The following NLGN4X variants were observed in gnomAD, a reference collection of about 807,000 sequenced individuals.
NLGN4X encodes the protein neuroligin 4 X-linked.
Under a neutral mutation model 40.3 loss-of-function variants are expected in NLGN4X, and 3 were observed. The ratio of observed to expected loss-of-function variants is 0.07; its 90% CI spans 0.03 to 0.19. The LOEUF (loss-of-function observed/expected upper bound fraction) is 0.19, where lower values mean the gene tolerates loss of function less well. Ranked by LOEUF, NLGN4X falls within the 10% of genes least tolerant of loss-of-function variation. NLGN4X has a pLI of 1.00. For missense variants in NLGN4X, 382 were observed against 708.3 expected (o/e 0.54, Z 5.23); for synonymous variants, 270 against 306.8 (o/e 0.88, Z 1.25).
At chrX:6,012,407 T>A (rs1000814156) in intron 3 of NLGN4X, among the ~76,000 whole-genome samples, 3 of 112,049 alleles carry the variant, frequency 2.7e-5, no homozygotes, top group Non-Finnish European at 5.6e-5. Flanking sequence ...TGTCCTTAGA[T>A]CTTCTTGCCA....
rs754603324 is a variant in NLGN4X at position 5,903,721 on chromosome X, C to T, written c.957G>A (p.Arg319=). 4 of 1,211,740 alleles carry T rather than the reference C, an allele frequency of 3.3e-6. No individual in the cohort carries two copies. The South Asian group carries it at 7.0e-5, about 21-fold the overall frequency. ...GGATGAGCTCCTTGTAGTTCTTGTTCCGCAGGCATTCTACCATGTCCGTGG... is the reference window on the plus strand; with the variant it reads ...GGATGAGCTCCTTGTAGTTCTTGTTTCGCAGGCATTCTACCATGTCCGTGG... ...LDTTDMVECL[R]NKNYKELIQQ... is the part of the protein sequence containing the mutation. The change falls in exon 5 of 6, where the codon CGG becomes CGA. Residue 319 remains arginine, a synonymous_variant. Coordinates refer to ENST00000381095, the MANE Select transcript of NLGN4X (RefSeq NM_181332.3).
intron 5 of NLGN4X, among the ~76,000 whole-genome samples, chrX:5,900,384 G>A (rs921627224): frequency 9.1e-6 from 1 of 109,673 alleles, no homozygotes; most frequent in Non-Finnish European, 1.9e-5. Flanking sequence ...CACCTGCAAG[G>A]TAGGAATGCC....
intron 2 of NLGN4X, among the ~76,000 whole-genome samples, chrX:6,087,044 A>G (rs936783481): frequency 8.9e-6 from 1 of 111,767 alleles, no homozygotes; most frequent in Admixed American, 9.5e-5. Flanking sequence ...TCTTTTTCTC[A>G]TGGCTTTTTA....
chrX:6,128,172 T>C (rs766486941), intron 2 of NLGN4X, among the ~76,000 whole-genome samples: 5 of 111,152 alleles, frequency 4.5e-5, no homozygotes, highest in South Asian at 3.9e-4. Context: ...GTGTCTTCAA[T>C]GGGTCATTAG....
At chrX:6,111,387 C>A (rs1602249274) in intron 2 of NLGN4X, among the ~76,000 whole-genome samples, 1 of 111,240 alleles carries the variant, frequency 9.0e-6, no homozygotes, top group African/African-American at 3.3e-5. Flanking sequence ...TGGGCCCTCA[C>A]TAGACACTGA....
chrX:5,923,075 A>T (rs1470650856), intron 3 of NLGN4X, among the ~76,000 whole-genome samples: 1 of 111,584 alleles, frequency 9.0e-6, no homozygotes, highest in Non-Finnish European at 1.9e-5. Context: ...TCATCACTAC[A>T]AACAATAACC....
At chrX:5,926,261 A>T (rs1201697451) in intron 3 of NLGN4X, among the ~76,000 whole-genome samples, 2 of 109,620 alleles carry the variant, frequency 1.8e-5, no homozygotes, top group Non-Finnish European at 3.8e-5. Flanking sequence ...AGGCCTCCCC[A>T]GCCATGTGGA....
At chrX:5,945,037 AAAT>A (rs1242746116) in intron 3 of NLGN4X, among the ~76,000 whole-genome samples, 1 of 112,270 alleles carries the variant, frequency 8.9e-6, no homozygotes, top group Non-Finnish European at 1.9e-5. Flanking sequence ...TAATAAAACA[AAAT>A]AATAAGTAAC....
intron 1 of NLGN4X, among the ~76,000 whole-genome samples, chrX:6,208,746 A>G (rs780617392): frequency 3.6e-5 from 4 of 111,905 alleles, no homozygotes; most frequent in Admixed American, 1.9e-4. Context: ...GTTGATGAGG[A>G]TGCAGAGAGA....
chrX:6,112,037 T>C (rs948336168), intron 2 of NLGN4X, among the ~76,000 whole-genome samples: 4 of 112,082 alleles, frequency 3.6e-5, no homozygotes, highest in Non-Finnish European at 5.6e-5. Flanking sequence ...AAAATACTTA[T>C]ATGCTAAAAT....
chrX:5,998,410 CAAAAAAAA>C (rs11344030), intron 3 of NLGN4X, among the ~76,000 whole-genome samples: 42 of 77,262 alleles, frequency 5.4e-4, no homozygotes, highest in African/African-American at 2.0e-3. Flanking sequence ...AACTCCTTCT[CAAAAAAAA>C]AAAAAAAAAA....
intron 1 of NLGN4X, among the ~76,000 whole-genome samples, chrX:6,160,167 CAAA>C: frequency 8.9e-6 from 1 of 111,800 alleles, no homozygotes; most frequent in Non-Finnish European, 1.9e-5. Context: ...GTCTGTAACA[CAAA>C]GAAATGATAA....
chrX:5,971,668 T>C (rs1179471275), intron 3 of NLGN4X, among the ~76,000 whole-genome samples: 1 of 112,021 alleles, frequency 8.9e-6, no homozygotes, highest in Admixed American at 9.5e-5. Flanking sequence ...CACATTTCTT[T>C]AATGAATTTC....
At chrX:6,193,479 A>C (rs1379301437) in intron 1 of NLGN4X, among the ~76,000 whole-genome samples, 1 of 79,724 alleles carries the variant, frequency 1.3e-5, no homozygotes, top group Admixed American at 1.6e-4. Context: ...ATCTTAGCAC[A>C]TTGTTCCCTA....
At position 5,912,873 on chromosome X, in the gene NLGN4X, G is replaced by GAGGA. The variant is rs774187295; in HGVS notation, c.626-3638_626-3635dup. Among the ~76,000 whole-genome samples, 8 of 73,708 alleles carry GAGGA rather than the reference G, an allele frequency of 1.1e-4. No homozygotes were observed. The East Asian group carries it at 3.0e-3, about 28-fold the overall frequency. The allele number at this position is 73,708 out of a possible 115,157, so 64.0% of individuals were successfully genotyped here. On this transcript the variant is annotated intron_variant, in intron 3 of 5. Transcript: ENST00000381095. ...GGAGGGAGGGAGGGAGAGCAGGAGG[G>GAGGA]AGGAAGGAAGGAAGGAAGGAAGGCA...
At chrX:6,117,512 T>C (rs2039329791) in intron 2 of NLGN4X, among the ~76,000 whole-genome samples, 1 of 111,361 alleles carries the variant, frequency 9.0e-6, no homozygotes. Flanking sequence ...GTCCCAGCAG[T>C]GAGAGAAAAA....
intron 3 of NLGN4X, among the ~76,000 whole-genome samples, chrX:5,921,775 T>G (rs965972796): frequency 3.7e-4 from 42 of 112,045 alleles, no homozygotes; most frequent in African/African-American, 1.2e-3. Flanking sequence ...TGGGGAGTGC[T>G]GTTTTGGGCA....
intron 3 of NLGN4X, among the ~76,000 whole-genome samples, chrX:5,950,804 T>G (rs1381422879): frequency 2.7e-5 from 3 of 111,722 alleles, no homozygotes; most frequent in Non-Finnish European, 5.6e-5. Context: ...TGAAACTCCT[T>G]ACCACAGCAT....
At chrX:5,974,311 G>T (rs377148109) in intron 3 of NLGN4X, among the ~76,000 whole-genome samples, 11 of 112,096 alleles carry the variant, frequency 9.8e-5, no homozygotes, top group African/African-American at 3.6e-4. Context: ...CAGCACATTT[G>T]TAGATGTAAA....
Sources: gnomAD v4.1 joint callset for allele counts (sites outside exome capture counted in the v4.1 genomes callset) on GRCh38, gnomAD v4.1.1 for gene constraint, MANE v1.5 for transcripts, NCBI Gene and HGNC (gene_info 2026-07-23, HGNC 2026-07-21) for gene names.